The following PTPRG variants were observed in gnomAD, a reference collection of about 807,000 sequenced individuals.
PTPRG encodes protein tyrosine phosphatase receptor type G, also known as receptor-type tyrosine-protein phosphatase gamma.
PTPRG carries 102 observed loss-of-function variants against 165.3 expected under a neutral mutation model. The observed-to-expected ratio is 0.62, with a 90% confidence interval of 0.53 to 0.73. The LOEUF (loss-of-function observed/expected upper bound fraction) is 0.73, where lower values mean the gene tolerates loss of function less well. Among genes scored for constraint, PTPRG ranks in the 30% least tolerant of loss-of-function variants. PTPRG has a pLI of 0.00. For missense variants in PTPRG, 1,866 were observed against 1,861.4 expected (o/e 1.00, Z -0.05); for synonymous variants, 675 against 669.5 (o/e 1.01, Z -0.13).
intron 2 of PTPRG, among the ~76,000 whole-genome samples, chr3:61,963,567 A>G (rs2040201485): frequency 6.6e-6 from 1 of 152,198 alleles, no homozygotes; most frequent in Non-Finnish European, 1.5e-5. Context: ...ACAAGATACC[A>G]ATGAAATACA....
chr3:61,705,547 A>G (rs945158628), intron 1 of PTPRG, among the ~76,000 whole-genome samples: 1 of 152,170 alleles, frequency 6.6e-6, no homozygotes, highest in African/African-American at 2.4e-5. Context: ...CCATCACCGC[A>G]TCAAAGAAAG....
chr3:61,612,886 T>C (rs201168222), intron 1 of PTPRG, among the ~76,000 whole-genome samples: 14 of 122,368 alleles, frequency 1.1e-4, no homozygotes, highest in East Asian at 7.7e-4. Flanking sequence ...TGTGTGTGTG[T>C]GTGCGCACTT....
chr3:61,882,941 C>G (rs1473162228), intron 2 of PTPRG, among the ~76,000 whole-genome samples: 1 of 152,176 alleles, frequency 6.6e-6, no homozygotes, highest in African/African-American at 2.4e-5. Flanking sequence ...GCTGGGGATT[C>G]TACTAGATGC....
At chr3:61,976,968 G>T (rs1003974326) in intron 2 of PTPRG, among the ~76,000 whole-genome samples, 2 of 151,936 alleles carry the variant, frequency 1.3e-5, no homozygotes, top group Admixed American at 6.6e-5. Context: ...GAGCCACCGC[G>T]CCCAGCTTAT....
At chr3:61,848,961 C>T (rs1455234147) in intron 2 of PTPRG, among the ~76,000 whole-genome samples, 1 of 152,186 alleles carries the variant, frequency 6.6e-6, no homozygotes, top group Admixed American at 6.5e-5. Context: ...AGTTTGATAT[C>T]ACAGCAAAAG....
At chr3:61,627,965 A>T (rs534225102) in intron 1 of PTPRG, among the ~76,000 whole-genome samples, 2 of 152,346 alleles carry the variant, frequency 1.3e-5, no homozygotes, top group East Asian at 3.9e-4. Flanking sequence ...CTGAGTGAAG[A>T]GAGCACTGGC....
At chr3:61,792,627 C>G (rs980390491) in intron 2 of PTPRG, among the ~76,000 whole-genome samples, 1 of 152,112 alleles carries the variant, frequency 6.6e-6, no homozygotes. Context: ...TCACATTTTT[C>G]TTAGTTCTGT....
intron 2 of PTPRG, among the ~76,000 whole-genome samples, chr3:61,929,677 A>G (rs150864160): frequency 6.6e-6 from 1 of 152,224 alleles, no homozygotes; most frequent in Non-Finnish European, 1.5e-5. Context: ...CAGGTTGTTT[A>G]TGAGCCGTCG....
chr3:61,794,488 C>T (rs1383870547), intron 2 of PTPRG, among the ~76,000 whole-genome samples: 7 of 152,118 alleles, frequency 4.6e-5, no homozygotes, highest in Non-Finnish European at 8.8e-5. Flanking sequence ...CCATGCCTTC[C>T]GAAGTCTTTC....
chr3:61,699,214 G>A (rs555773603), intron 1 of PTPRG, among the ~76,000 whole-genome samples: 3 of 151,958 alleles, frequency 2.0e-5, no homozygotes, highest in African/African-American at 4.8e-5. Flanking sequence ...GAGATCGGGC[G>A]CGTTCAGGGT....
At chr3:61,797,099 T>C (rs2035072325) in intron 2 of PTPRG, among the ~76,000 whole-genome samples, 4 of 152,218 alleles carry the variant, frequency 2.6e-5, no homozygotes, top group African/African-American at 9.7e-5. Flanking sequence ...GAAATGTTCG[T>C]ATTCTTCCCA....
chr3:62,021,596 G>A (rs544830820), intron 4 of PTPRG, among the ~76,000 whole-genome samples: 33 of 152,256 alleles, frequency 2.2e-4, no homozygotes, highest in African/African-American at 7.2e-4. Flanking sequence ...AATCCAGAAT[G>A]TTTCATCTCA....
intron 1 of PTPRG, among the ~76,000 whole-genome samples, chr3:61,704,556 C>T (rs1236110970): frequency 1.3e-5 from 2 of 151,998 alleles, no homozygotes; most frequent in African/African-American, 2.4e-5. Context: ...CCAGATGTCC[C>T]CTGGAGGGGC....
chr3:61,994,505 T>C (rs2040973199), intron 3 of PTPRG, among the ~76,000 whole-genome samples: 1 of 152,174 alleles, frequency 6.6e-6, no homozygotes, highest in African/African-American at 2.4e-5. Flanking sequence ...GGATTCAAAA[T>C]ATGGTTATTC....
chr3:61,719,890 C>A (rs781088244), intron 1 of PTPRG, among the ~76,000 whole-genome samples: 1 of 152,122 alleles, frequency 6.6e-6, no homozygotes, highest in Non-Finnish European at 1.5e-5. Flanking sequence ...TTCTGAGACC[C>A]AACTTGCTCT....
chr3:62,063,197 C>T (rs893406980), intron 4 of PTPRG, among the ~76,000 whole-genome samples: 16 of 152,256 alleles, frequency 1.1e-4, no homozygotes, highest in African/African-American at 3.6e-4. Context: ...TTATCTTTTC[C>T]ACTCCATCAT....
intron 2 of PTPRG, among the ~76,000 whole-genome samples, chr3:61,886,163 C>G (rs757695300): frequency 2.6e-5 from 4 of 152,064 alleles, no homozygotes; most frequent in East Asian, 1.9e-4. Flanking sequence ...TATTCCTGCT[C>G]GATCCTTCCT....
chr3:61,982,738 T>G (rs924425959), intron 2 of PTPRG, among the ~76,000 whole-genome samples: 2 of 152,148 alleles, frequency 1.3e-5, no homozygotes. Flanking sequence ...ACCATCAGGA[T>G]TAGAGTCTGG....
chr3:61,856,184 G>C (rs912663002), intron 2 of PTPRG, among the ~76,000 whole-genome samples: 1 of 151,938 alleles, frequency 6.6e-6, no homozygotes, highest in Non-Finnish European at 1.5e-5. Flanking sequence ...TTTAACCACA[G>C]TGTACCTCTC....
Sources: allele counts gnomAD v4.1 joint callset (sites outside exome capture counted in the v4.1 genomes callset), GRCh38; gene constraint gnomAD v4.1.1; transcripts MANE v1.5; gene names NCBI Gene and HGNC (gene_info 2026-07-23, HGNC 2026-07-21).